The following PPP2R1B variants were observed in gnomAD, a reference collection of about 807,000 sequenced individuals.
The protein encoded by PPP2R1B is serine/threonine-protein phosphatase 2A 65 kDa regulatory subunit A beta isoform.
PPP2R1B carries 58 observed loss-of-function variants against 72.7 expected under a neutral mutation model. The ratio of observed to expected loss-of-function variants is 0.80; its 90% CI spans 0.65 to 0.99. The LOEUF (loss-of-function observed/expected upper bound fraction) is 0.99. PPP2R1B is among the 50% of genes least tolerant of loss of function. The probability of loss-of-function intolerance (pLI) is 0.00; values close to 1 mark genes in which losing one functional copy is unlikely to be tolerated. For missense variants in PPP2R1B, 695 were observed against 733.6 expected (o/e 0.95, Z 0.61); for synonymous variants, 256 against 264.6 (o/e 0.97, Z 0.32).
downstream of PPP2R1B, chr11:111,737,570 C>G: frequency 6.2e-7 from 1 of 1,614,254 alleles, no homozygotes; most frequent in South Asian, 1.1e-5. Context: ...TGTGCCACCA[C>G]TAGAGACACA....
chr11:111,745,714 T>C (rs1022957615), intron 11 of PPP2R1B, among the ~76,000 whole-genome samples: 5 of 152,184 alleles, frequency 3.3e-5, no homozygotes, highest in Admixed American at 6.5e-5. Context: ...TAAATTTCCC[T>C]TCTACATTCC....
intron 11 of PPP2R1B, among the ~76,000 whole-genome samples, chr11:111,745,152 A>T (rs1944662637): frequency 6.7e-6 from 1 of 149,898 alleles, no homozygotes; most frequent in Non-Finnish European, 1.5e-5. Context: ...CCTGGGTTCA[A>T]GCAACTCTCC....
Position 111,755,472 on chromosome 11 carries a change from A to T in PPP2R1B, c.688-22T>A, listed in dbSNP as rs782216148. The T allele has an allele frequency of 2.5e-6, 4 of 1,585,580 alleles. No individual in the cohort carries two copies. In the Admixed American group the frequency reaches 7.6e-5, roughly 30 times the overall value. ...AATCCTAAAGGAACAAAATTTCTGT[A>T]ATTCAGACATTTACTGAGACCCATG... is the stretch of plus-strand genomic sequence containing the variant. On this transcript the variant is annotated intron_variant, in intron 5 of 14. Coordinates refer to ENST00000527614, the MANE Select transcript of PPP2R1B (RefSeq NM_002716.5).
intron 10 of PPP2R1B, among the ~76,000 whole-genome samples, chr11:111,750,103 T>G (rs782309507): frequency 1.3e-5 from 2 of 152,154 alleles, no homozygotes; most frequent in Admixed American, 6.5e-5. Flanking sequence ...CACTAATACC[T>G]CTGGTATACT....
chr11:111,691,377 C>A, the PPP2R1B span, among the ~76,000 whole-genome samples: 1 of 152,172 alleles, frequency 6.6e-6, no homozygotes, highest in Admixed American at 6.5e-5. Flanking sequence ...ACTTCATCTT[C>A]ACAGCAATCT....
chr11:111,743,268 C>T lies in PPP2R1B; in HGVS notation c.1554+108G>A. On this transcript the variant is annotated intron_variant, in intron 12 of 14. Transcript: ENST00000527614. ...TCCTGTCTATTCCAATTAATCAATA[C>T]AAGACATATATTCCAAATAGAAGAC... 2.6e-6 allele frequency: 3 copies of T among 1,132,186 alleles called. No homozygotes were observed. The East Asian group carries it at 7.3e-5, about 28-fold the overall frequency. The allele number at this position is 1,132,186 out of a possible 1,614,324, so 70.1% of individuals were successfully genotyped here.
In PPP2R1B at chr11:111,742,072, A is replaced by G; in HGVS notation, c.1770T>C (p.Phe590=). ...ACATACCACTTATAGCTTCCTGTGC[A>G]AAGTATTTGACATCCATGTCTTCAT... ...GQDEDMDVKY[F]AQEAISVLAL... is the part of the protein sequence containing the mutation. Residue 590 remains phenylalanine, a synonymous_variant, in exon 14 of 15, where the codon TTT becomes TTC. Coordinates refer to ENST00000527614, the MANE Select transcript of PPP2R1B (RefSeq NM_002716.5). 2 of 1,613,640 alleles carry G rather than the reference A, an allele frequency of 1.2e-6. No homozygotes were observed. The highest frequency in any genetic ancestry group is 1.3e-5 in the African/African-American group (1 of 75,068).
At position 111,741,197 on chromosome 11, in the gene PPP2R1B, C is replaced by A; in HGVS notation, c.*399G>T. The A allele has an allele frequency of 2.0e-6, 2 of 1,007,302 alleles. No individual in the cohort carries two copies. Among genetic ancestry groups the A allele is most frequent in the Non-Finnish European group, 1.2e-6 (1 of 843,822 alleles). The allele number at this position is 1,007,302 out of a possible 1,614,324, so 62.4% of individuals were successfully genotyped here. A position where few individuals can be genotyped will look rare whatever the true frequency, so the allele number is the denominator to read the frequency against. ...ATTTAGCTTTGGAATGATGGAGAGACACAGAGATATATGTAAACGTCAAGA... is the reference window on the plus strand; with the variant it reads ...ATTTAGCTTTGGAATGATGGAGAGAAACAGAGATATATGTAAACGTCAAGA... On this transcript the variant is annotated 3_prime_UTR_variant, in exon 15 of 15. Transcript: ENST00000527614.
the PPP2R1B span, chr11:111,719,987 C>T: frequency 1.4e-5 from 22 of 1,613,710 alleles, no homozygotes; most frequent in Middle Eastern, 1.7e-4. Flanking sequence ...ATCAACTGGT[C>T]GTGATGCCTG....
At chr11:111,712,287 C>G in the PPP2R1B span, 1 of 1,614,244 alleles carries the variant, frequency 6.2e-7, no homozygotes, top group Non-Finnish European at 8.5e-7. Context: ...CTCCCCCAGG[C>G]ATCCAACGTG....
intron 3 of PPP2R1B, among the ~76,000 whole-genome samples, chr11:111,762,666 G>A (rs1428313932): frequency 2.6e-5 from 4 of 151,132 alleles, no homozygotes; most frequent in African/African-American, 9.7e-5. Context: ...CTGCCTCAGC[G>A]TCCCGAATAG....
chr11:111,688,600 A>G, the PPP2R1B span, among the ~76,000 whole-genome samples: 1 of 152,238 alleles, frequency 6.6e-6, no homozygotes, highest in Non-Finnish European at 1.5e-5. This position sits in a 1 kb window ranked among gnomAD's most constrained non-coding sequence, Gnocchi z 4.2. Context: ...GTTGAGACAG[A>G]AAAGCACCTT....
chr11:111,737,426 C>G (rs1016158734), downstream of PPP2R1B: 14 of 1,614,052 alleles, frequency 8.7e-6, no homozygotes, highest in Non-Finnish European at 1.2e-5. Context: ...CAGGACTTGA[C>G]CCCAGGCTTC....
chr11:111,690,552 C>CA, the PPP2R1B span, among the ~76,000 whole-genome samples: 14 of 152,068 alleles, frequency 9.2e-5, no homozygotes, highest in Non-Finnish European at 1.9e-4. Flanking sequence ...ATCAACTCGT[C>CA]ATCTAGGTTT....
rs1944511807 is a variant in PPP2R1B at position 111,741,356 on chromosome 11, G to T, written c.*240C>A. 1 of 1,344,836 alleles carries T rather than the reference G, an allele frequency of 7.4e-7. No homozygotes were observed. The highest frequency in any genetic ancestry group is 3.7e-5 in the Admixed American group (1 of 27,362). 83.3% of individuals were successfully genotyped at this position (1,344,836 alleles called of 1,614,324 possible). The stretch of plus-strand genomic sequence containing the variant: ...GGATAAAGCATTAGGAGACAATCAA[G>T]TGTCAGGAATTGGTCAATAAGAACG... On this transcript the variant is annotated 3_prime_UTR_variant, in exon 15 of 15. Coordinates refer to ENST00000527614, the MANE Select transcript of PPP2R1B (RefSeq NM_002716.5).
the PPP2R1B span, among the ~76,000 whole-genome samples, chr11:111,713,795 C>T: frequency 5.3e-5 from 8 of 152,028 alleles, no homozygotes; most frequent in East Asian, 1.9e-4. Context: ...GGCGAAACTC[C>T]GTCTCTACTA....
chr11:111,766,234 C>G lies in PPP2R1B; in HGVS notation c.114+14G>C, dbSNP rs375922166. 4 of 1,613,300 alleles carry G rather than the reference C, an allele frequency of 2.5e-6. No individual in the cohort carries two copies. The highest frequency in any genetic ancestry group is 3.4e-6 in the Non-Finnish European group (4 of 1,179,550). On this transcript the variant is annotated intron_variant, in intron 1 of 14. Coordinates refer to ENST00000527614, the MANE Select transcript of PPP2R1B (RefSeq NM_002716.5). ...AGCCGGTCTCGCCTCGGGTCCCCGG[C>G]CTCAGTCCAGTACCTGCACGTCTTC... is the stretch of plus-strand genomic sequence containing the variant.
downstream of PPP2R1B, chr11:111,724,319 GT>G (rs1463567822): frequency 1.9e-5 from 15 of 778,498 alleles, no homozygotes; most frequent in African/African-American, 2.6e-4. Flanking sequence ...CCACCACAAA[GT>G]TTTCTGTGGC....
chr11:111,725,312 G>C (rs983227232), downstream of PPP2R1B: 1 of 152,568 alleles, frequency 6.6e-6, no homozygotes, highest in Non-Finnish European at 1.5e-5. Context: ...TTAAAGTTTT[G>C]ACTTGTAATG....
Sources: allele counts gnomAD v4.1 joint callset (sites outside exome capture counted in the v4.1 genomes callset), GRCh38; gene constraint gnomAD v4.1.1; non-coding constraint Gnocchi (gnomAD v3.1); transcripts MANE v1.5; gene names NCBI Gene and HGNC (gene_info 2026-07-23, HGNC 2026-07-21).